Variants in KANSL1 observed in about 807,000 individuals in gnomAD.
KANSL1 encodes the protein KAT8 regulatory NSL complex subunit 1.
KANSL1 carries 22 observed loss-of-function variants against 103.6 expected under a neutral mutation model. The observed-to-expected ratio is 0.21, with a 90% confidence interval of 0.15 to 0.30. KANSL1 has a LOEUF of 0.30. KANSL1 is among the 10% of genes least tolerant of loss of function. The probability of loss-of-function intolerance (pLI) is 1.00; values close to 1 mark genes in which losing one functional copy is unlikely to be tolerated. For missense variants in KANSL1, 1,337 were observed against 1,399.8 expected (o/e 0.96, Z 0.72); for synonymous variants, 600 against 527.6 (o/e 1.14, Z -1.88).
At chr17:46,112,868 T>A (rs1183547203) in intron 2 of KANSL1, among the ~76,000 whole-genome samples, 1 of 152,016 alleles carries the variant, frequency 6.6e-6, no homozygotes, top group African/African-American at 2.4e-5. Flanking sequence ...ATTACAGGCA[T>A]GCGCCATCAC....
intron 1 of KANSL1, among the ~76,000 whole-genome samples, chr17:46,174,109 A>G (rs906494935): frequency 1.3e-5 from 2 of 152,260 alleles, no homozygotes; most frequent in Non-Finnish European, 2.9e-5. Context: ...TTTTTTAGGC[A>G]AAGATTAGTG....
intron 7 of KANSL1, among the ~76,000 whole-genome samples, chr17:46,046,834 CAAAAGTAAAAAAAAA>C (rs1183066987): frequency 1.9e-5 from 1 of 51,384 alleles, no homozygotes; most frequent in Non-Finnish European, 4.2e-5. Context: ...AAAACTGTCT[CAAAAGTAAAAAAAAA>C]AAAAAAAAAA....
intron 2 of KANSL1, among the ~76,000 whole-genome samples, chr17:46,133,704 T>G (rs2147293196): frequency 6.6e-6 from 1 of 152,306 alleles, no homozygotes; most frequent in Admixed American, 6.5e-5. Flanking sequence ...TCGAAAAATT[T>G]TAAGGAAACC....
At chr17:46,209,165 C>G (rs1423069288) in intron 1 of KANSL1, among the ~76,000 whole-genome samples, 1 of 151,476 alleles carries the variant, frequency 6.6e-6, no homozygotes, top group South Asian at 2.1e-4. Flanking sequence ...GCCTGAGTGA[C>G]AAGAGCAAAA....
intron 6 of KANSL1, among the ~76,000 whole-genome samples, chr17:46,056,947 A>G (rs931196676): frequency 6.6e-6 from 1 of 152,174 alleles, no homozygotes; most frequent in Non-Finnish European, 1.5e-5. Flanking sequence ...AAAATGAGTA[A>G]TTACTACAGA....
chr17:46,040,995 T>G (rs1424492509), intron 7 of KANSL1: 1 of 152,234 alleles, frequency 6.6e-6, no homozygotes. Context: ...AGAGATTTGT[T>G]AAATGGTTTT....
upstream of KANSL1, chr17:46,194,016 T>C (rs1370138106): frequency 1.3e-5 from 2 of 154,072 alleles, no homozygotes; most frequent in Admixed American, 6.5e-5. Context: ...GGCTGGGCAC[T>C]AGCCCCAGCA....
intron 10 of KANSL1, chr17:46,035,461 T>C (rs969442895): frequency 5.3e-5 from 8 of 152,228 alleles, no homozygotes; most frequent in African/African-American, 1.9e-4. Context: ...TCACTGTCAT[T>C]TATAACTTCA....
At chr17:46,069,348 G>T (rs1170835990) in intron 4 of KANSL1, among the ~76,000 whole-genome samples, 1 of 152,066 alleles carries the variant, frequency 6.6e-6, no homozygotes, top group Non-Finnish European at 1.5e-5. Flanking sequence ...ATATTTTGAG[G>T]CTGAAATTCT....
chr17:46,038,806 G>A, intron 9 of KANSL1, 120 bp from the exon 10 acceptor site: 2 of 1,348,068 alleles, frequency 1.5e-6, no homozygotes, highest in Non-Finnish European at 2.1e-6. Context: ...ATGCCTAGAG[G>A]ATAAAAAGGT....
Position 46,121,040 on chromosome 17 carries a change from A to C in KANSL1, c.1290-26339T>G, listed in dbSNP as rs370225419. 4.5e-4 allele frequency among the ~76,000 whole-genome samples: 69 copies of C among 152,260 alleles called. No homozygotes were observed. The South Asian group carries it at 0.014, about 31-fold the overall frequency. On this transcript the variant is annotated intron_variant, in intron 2 of 14. Coordinates refer to ENST00000432791, the MANE Select transcript of KANSL1 (RefSeq NM_015443.4). ...TTCCTTCCTCTTTTATAACCCATAC[A>C]TCCAGCCCATCAGCAAATCCTACCT...
rs1258317660 is a variant in KANSL1 at position 46,193,398 on chromosome 17, TC to T, written c.-666del. ...AAATGGCGGCCGAGCTCCTTTTCCC[TC>T]CCCCCCTTTAATCTGAAGCGGAGGG... On this transcript the variant is annotated 5_prime_UTR_variant, in exon 1 of 15. Transcript: ENST00000432791. The T allele has an allele frequency of 3.9e-5, 6 of 154,068 alleles. No individual in the cohort carries two copies. The highest frequency in any genetic ancestry group is 7.0e-5 in the Non-Finnish European group (5 of 71,032). The allele number at this position is 154,068 out of a possible 1,614,324, so 9.5% of individuals were successfully genotyped here.
At chr17:46,203,522 A>C (rs1170187131) in intron 1 of KANSL1, among the ~76,000 whole-genome samples, 3 of 152,254 alleles carry the variant, frequency 2.0e-5, no homozygotes, top group African/African-American at 7.2e-5. Context: ...AGAATCTCTA[A>C]GGAAAGAATA....
At chr17:46,147,013 G>C (rs2044745689) in intron 2 of KANSL1, among the ~76,000 whole-genome samples, 1 of 152,102 alleles carries the variant, frequency 6.6e-6, no homozygotes, top group Admixed American at 6.5e-5. Flanking sequence ...GAGCAACACA[G>C]TGAGACTCCA....
intron 2 of KANSL1, among the ~76,000 whole-genome samples, chr17:46,166,650 G>A (rs900075629): frequency 1.1e-4 from 17 of 152,158 alleles, no homozygotes; most frequent in African/African-American, 4.1e-4. Context: ...CAGACTTCAG[G>A]AGACTATTAG....
chr17:46,034,108 A>T (rs535055092), intron 11 of KANSL1, 53 bp downstream of exon 11: 12 of 1,603,280 alleles, frequency 7.5e-6, no homozygotes, highest in Non-Finnish European at 1.0e-5. Flanking sequence ...AAGAGGGAAA[A>T]AGGGCAATAG....
At chr17:46,219,464 G>C (rs1302844725) in intron 1 of KANSL1, among the ~76,000 whole-genome samples, 3 of 152,164 alleles carry the variant, frequency 2.0e-5, no homozygotes, top group Non-Finnish European at 4.4e-5. Flanking sequence ...CCAGGCTCGA[G>C]CCATCCTCCC....
chr17:46,159,397 A>G (rs1269978754), intron 2 of KANSL1, among the ~76,000 whole-genome samples: 4 of 152,244 alleles, frequency 2.6e-5, no homozygotes, highest in Non-Finnish European at 4.4e-5. Context: ...AAATGCTAAG[A>G]AAAATAACCT....
intron 2 of KANSL1, among the ~76,000 whole-genome samples, chr17:46,117,332 C>T (rs946591571): frequency 3.3e-5 from 5 of 152,276 alleles, no homozygotes; most frequent in Non-Finnish European, 7.3e-5. Flanking sequence ...AGCTGCCAGA[C>T]TTATGGGTGA....
Sources: gnomAD v4.1 joint callset for allele counts (sites outside exome capture counted in the v4.1 genomes callset) on GRCh38, gnomAD v4.1.1 for gene constraint, MANE v1.5 for transcripts, NCBI Gene and HGNC (gene_info 2026-07-23, HGNC 2026-07-21) for gene names.